CCSER2: variants seen among roughly 807,000 people sequenced by gnomAD.
CCSER2 encodes the protein serine-rich coiled-coil domain-containing protein 2.
A neutral mutation model predicts 92.3 loss-of-function variants in CCSER2; 46 were observed. The observed-to-expected ratio is 0.50, with a 90% CI of 0.39 to 0.64. The LOEUF (loss-of-function observed/expected upper bound fraction) is 0.64, where lower values mean the gene tolerates loss of function less well. Ranked by LOEUF, CCSER2 falls within the 30% of genes least tolerant of loss-of-function variation. The probability of loss-of-function intolerance (pLI) is 0.00; values close to 1 mark genes in which losing one functional copy is unlikely to be tolerated. For missense variants in CCSER2, 1,244 were observed against 1,238.9 expected (o/e 1.00, Z -0.06); for synonymous variants, 433 against 431.4 (o/e 1.00, Z -0.04).
Position 84,507,725 on chromosome 10 carries a change from G to GT in CCSER2, c.2326-5723dup, listed in dbSNP as rs554227989. Among the ~76,000 whole-genome samples, 169 of 152,296 alleles carry GT rather than the reference G, an allele frequency of 1.1e-3. 1 individual carries two copies. Among genetic ancestry groups the GT allele is most frequent in the African/African-American group, 3.9e-3 (161 of 41,556 alleles). On this transcript the variant is annotated intron_variant, in intron 9 of 9. Coordinates refer to ENST00000372088, the MANE Select transcript of CCSER2 (RefSeq NM_001284240.2). The stretch of plus-strand genomic sequence containing the variant: ...GAGTGCTTTTCCGTATGCTAATGCT[G>GT]TAGATCTTTGAAGTGTCGTAAAACA...
chr10:84,351,969 T>C (rs1223727041), intron 1 of CCSER2, among the ~76,000 whole-genome samples: 1 of 152,126 alleles, frequency 6.6e-6, no homozygotes, highest in Non-Finnish European at 1.5e-5. Flanking sequence ...TAAGAGATTG[T>C]GTGGGATGGA....
intron 1 of CCSER2, among the ~76,000 whole-genome samples, chr10:84,334,280 G>C (rs1300172309): frequency 6.6e-6 from 1 of 152,052 alleles, no homozygotes; most frequent in Non-Finnish European, 1.5e-5. Flanking sequence ...AGTATCTGAT[G>C]GCTTTCTGCC....
At chr10:84,477,479 T>C (rs1847218798) in intron 8 of CCSER2, 96 bp from the exon 9 acceptor site, 1 of 596,700 alleles carries the variant, frequency 1.7e-6, no homozygotes, top group Admixed American at 3.4e-5. Flanking sequence ...TGCTTGTCTC[T>C]TAGGTGTTTT....
intron 1 of CCSER2, among the ~76,000 whole-genome samples, chr10:84,362,493 G>C (rs1218566383): frequency 6.6e-6 from 1 of 152,116 alleles, no homozygotes; most frequent in Non-Finnish European, 1.5e-5. Context: ...GGAACTTCTG[G>C]TTCCTCTTGT....
chr10:84,382,325 G>C (rs1840958991), intron 3 of CCSER2, among the ~76,000 whole-genome samples: 2 of 152,046 alleles, frequency 1.3e-5, no homozygotes, highest in Non-Finnish European at 1.5e-5. Flanking sequence ...TTTCAGACTA[G>C]GATGAATTCT....
intron 1 of CCSER2, among the ~76,000 whole-genome samples, chr10:84,340,220 T>C (rs1844098216): frequency 6.6e-6 from 1 of 152,216 alleles, no homozygotes; most frequent in Admixed American, 6.5e-5. Flanking sequence ...TCATTATGCC[T>C]CTTCCATCTG....
At chr10:84,457,973 C>G (rs1845876824) in intron 6 of CCSER2, among the ~76,000 whole-genome samples, 1 of 151,826 alleles carries the variant, frequency 6.6e-6, no homozygotes, top group African/African-American at 2.4e-5. Context: ...CTCAGAACTC[C>G]TGACCTCAGG....
At chr10:84,460,087 A>ATTTTTTTT (rs34335757) in intron 6 of CCSER2, among the ~76,000 whole-genome samples, 1 of 103,284 alleles carries the variant, frequency 9.7e-6, no homozygotes, top group South Asian at 3.5e-4. Flanking sequence ...TGATTCTTCG[A>ATTTTTTTT]TTTTTTTTTT....
chr10:84,486,435 T>G (rs983711089), intron 9 of CCSER2, among the ~76,000 whole-genome samples: 2 of 152,246 alleles, frequency 1.3e-5, no homozygotes, highest in African/African-American at 4.8e-5. Flanking sequence ...TGATTGCCAT[T>G]CTAACTGGTG....
At chr10:84,411,253 T>C (rs1842634822) in intron 3 of CCSER2, among the ~76,000 whole-genome samples, 1 of 152,182 alleles carries the variant, frequency 6.6e-6, no homozygotes, top group African/African-American at 2.4e-5. Context: ...TATTTAGTTC[T>C]TTTTGCTTAG....
intron 7 of CCSER2, among the ~76,000 whole-genome samples, chr10:84,465,392 TCG>T (rs1846357143): frequency 7.2e-6 from 1 of 139,394 alleles, no homozygotes; most frequent in Non-Finnish European, 1.5e-5. Context: ...TGGCGCAATC[TCG>T]GCTCACTGCA....
Position 84,424,972 on chromosome 10 carries a change from G to T in CCSER2, c.1706-759G>T, listed in dbSNP as rs985289964. Reference sequence around the variant, plus strand: ...GGGTACAACTATGTCTGAGTAGGCAGCCGGTAACACAATGTCTCCCTTGTG... The same window carrying T: ...GGGTACAACTATGTCTGAGTAGGCATCCGGTAACACAATGTCTCCCTTGTG... On this transcript the variant is annotated intron_variant, in intron 4 of 9. Transcript: ENST00000372088. The T allele has an allele frequency of 7.1e-6, 7 of 984,772 alleles. No individual in the cohort carries two copies. The African/African-American group carries it at 1.2e-4, about 17-fold the overall frequency. 61.0% of individuals were successfully genotyped at this position (984,772 alleles called of 1,614,324 possible).
At chr10:84,350,974 T>C (rs1844826985) in intron 1 of CCSER2, among the ~76,000 whole-genome samples, 1 of 152,222 alleles carries the variant, frequency 6.6e-6, no homozygotes, top group Non-Finnish European at 1.5e-5. Flanking sequence ...TAATCTTTGG[T>C]CCAGTCATCT....
intron 1 of CCSER2, among the ~76,000 whole-genome samples, chr10:84,345,237 A>G (rs1285498203): frequency 6.6e-6 from 1 of 152,230 alleles, no homozygotes; most frequent in East Asian, 1.9e-4. Context: ...TTTGAGAACT[A>G]TTGCAAATTA....
At chr10:84,415,836 T>C (rs980641024) in intron 3 of CCSER2, among the ~76,000 whole-genome samples, 3 of 152,202 alleles carry the variant, frequency 2.0e-5, no homozygotes, top group African/African-American at 7.2e-5. Flanking sequence ...GACTCCTTGT[T>C]ACTGCTGGCT....
At chr10:84,508,262 C>G (rs1849169542) in intron 9 of CCSER2, among the ~76,000 whole-genome samples, 1 of 152,120 alleles carries the variant, frequency 6.6e-6, no homozygotes, top group South Asian at 2.1e-4. Context: ...CATGCAGACT[C>G]AAGAGTTTGA....
At chr10:84,422,189 C>T (rs1040139857) in intron 4 of CCSER2, among the ~76,000 whole-genome samples, 3 of 152,168 alleles carry the variant, frequency 2.0e-5, no homozygotes, top group African/African-American at 7.2e-5. Flanking sequence ...TCTGAAAGAC[C>T]TTGCCTCTGA....
chr10:84,466,816 T>G (rs1364841528), intron 7 of CCSER2, among the ~76,000 whole-genome samples: 6 of 152,074 alleles, frequency 3.9e-5, no homozygotes, highest in Admixed American at 3.9e-4. Context: ...CCCGGCCTCC[T>G]TCTTGCCTTC....
chr10:84,334,890 C>T (rs538754782), intron 1 of CCSER2, among the ~76,000 whole-genome samples: 2 of 152,270 alleles, frequency 1.3e-5, no homozygotes, highest in East Asian at 1.9e-4. Flanking sequence ...TTCATCTACC[C>T]TGTTTCTGTC....
Sources: gnomAD v4.1 joint callset for allele counts (sites outside exome capture counted in the v4.1 genomes callset) on GRCh38, gnomAD v4.1.1 for gene constraint, MANE v1.5 for transcripts, NCBI Gene and HGNC (gene_info 2026-07-23, HGNC 2026-07-21) for gene names.